MAN1A1: variants seen among roughly 807,000 people sequenced by gnomAD.
MAN1A1 encodes the protein mannosidase alpha class 1A member 1.
A neutral mutation model predicts 70.8 loss-of-function variants in MAN1A1; 29 were observed. The ratio of observed to expected loss-of-function variants is 0.41; its 90% confidence interval spans 0.31 to 0.56. The LOEUF (loss-of-function observed/expected upper bound fraction) is 0.56. Among genes scored for constraint, MAN1A1 ranks in the 20% least tolerant of loss-of-function variants. MAN1A1 has a pLI of 0.29. For missense variants in MAN1A1, 747 were observed against 841.3 expected (o/e 0.89, Z 1.39); for synonymous variants, 349 against 330.1 (o/e 1.06, Z -0.62).
chr6:119,320,974 A>C (rs973221931), intron 2 of MAN1A1, among the ~76,000 whole-genome samples: 3 of 152,240 alleles, frequency 2.0e-5, no homozygotes, highest in Admixed American at 6.5e-5. Context: ...TACTTGCATT[A>C]AATACTACGT....
At chr6:119,269,314 G>A (rs1342600489) in intron 5 of MAN1A1, 3 of 266,216 alleles carry the variant, frequency 1.1e-5, no homozygotes, top group African/African-American at 2.3e-5. Flanking sequence ...CGTGAACCAG[G>A]CACCCCAGAT....
intron 9 of MAN1A1, among the ~76,000 whole-genome samples, chr6:119,190,299 G>C (rs73767279): frequency 2.2e-3 from 330 of 152,298 alleles, no homozygotes; most frequent in African/African-American, 7.4e-3. Flanking sequence ...ATGAGATCCA[G>C]GATGGTGGCA....
chr6:119,194,996 C>A (rs558064933), intron 8 of MAN1A1, among the ~76,000 whole-genome samples: 16 of 152,054 alleles, frequency 1.1e-4, no homozygotes, highest in African/African-American at 3.9e-4. Context: ...CCACACCTGG[C>A]TAATTTTTGT....
At chr6:119,197,031 C>A (rs1210701091) in intron 8 of MAN1A1, among the ~76,000 whole-genome samples, 5 of 152,108 alleles carry the variant, frequency 3.3e-5, no homozygotes, top group Admixed American at 6.5e-5. Context: ...GAGGCAGGTC[C>A]AGCGTGGTGT....
chr6:119,270,554 G>A (rs9489644), intron 5 of MAN1A1, among the ~76,000 whole-genome samples: 6,280 of 152,130 alleles, frequency 0.041, 146 homozygotes, highest in African/African-American at 0.054. Flanking sequence ...GGCAACCACT[G>A]ATCTACTTTC....
chr6:119,319,390 A>C (rs2357377), intron 2 of MAN1A1, among the ~76,000 whole-genome samples: 129,545 of 143,646 alleles, frequency 0.9, 58,229 homozygotes, highest in Middle Eastern at 0.94. Flanking sequence ...TAATAATAAT[A>C]ATCATCATCA....
intron 2 of MAN1A1, among the ~76,000 whole-genome samples, chr6:119,320,850 T>C (rs1352419669): frequency 1.3e-5 from 2 of 152,228 alleles, no homozygotes; most frequent in Non-Finnish European, 2.9e-5. Context: ...ACAATTTATC[T>C]GTAGTGCTAG....
intron 6 of MAN1A1, among the ~76,000 whole-genome samples, chr6:119,231,456 G>A (rs186506060): frequency 2.0e-3 from 305 of 152,298 alleles, no homozygotes; most frequent in Admixed American, 6.2e-3. Context: ...CAGCAATGCG[G>A]AACTGTGAGT....
intron 8 of MAN1A1, among the ~76,000 whole-genome samples, chr6:119,194,958 G>A (rs1046821165): frequency 2.0e-5 from 3 of 151,518 alleles, no homozygotes; most frequent in Non-Finnish European, 2.9e-5. Flanking sequence ...TCAGCCTCCC[G>A]AGTAGCTGGG....
intron 5 of MAN1A1, among the ~76,000 whole-genome samples, chr6:119,280,324 CA>C (rs546416708): frequency 6.6e-6 from 1 of 152,210 alleles, no homozygotes; most frequent in Non-Finnish European, 1.5e-5. Flanking sequence ...TGTCCTTGGG[CA>C]AATAACACTC....
At chr6:119,253,849 G>C (rs1282952362) in intron 5 of MAN1A1, among the ~76,000 whole-genome samples, 1 of 152,146 alleles carries the variant, frequency 6.6e-6, no homozygotes, top group Non-Finnish European at 1.5e-5. Context: ...GCTACTGTCT[G>C]AAAATAATTA....
intron 5 of MAN1A1, among the ~76,000 whole-genome samples, chr6:119,261,425 C>T (rs982427597): frequency 6.6e-6 from 1 of 152,158 alleles, no homozygotes; most frequent in Non-Finnish European, 1.5e-5. Context: ...TATTTAGTGC[C>T]TATGTACTTA....
At chr6:119,224,054 G>A (rs1411111705) in intron 6 of MAN1A1, among the ~76,000 whole-genome samples, 2 of 152,152 alleles carry the variant, frequency 1.3e-5, no homozygotes, top group Non-Finnish European at 2.9e-5. Context: ...GGCTGGCAGG[G>A]TAGCTGAAAG....
intron 2 of MAN1A1, among the ~76,000 whole-genome samples, chr6:119,331,728 T>A (rs1222139852): frequency 6.6e-6 from 1 of 152,106 alleles, no homozygotes; most frequent in Non-Finnish European, 1.5e-5. Context: ...TTAAAGCATG[T>A]TGTCTGCCAC....
chr6:119,337,605 G>C (rs969024296), intron 2 of MAN1A1, among the ~76,000 whole-genome samples: 1 of 152,184 alleles, frequency 6.6e-6, no homozygotes, highest in Non-Finnish European at 1.5e-5. Context: ...TTGGGAGTTA[G>C]GGAAAACAGA....
At chr6:119,297,217 A>G (rs1454621094) in intron 4 of MAN1A1, among the ~76,000 whole-genome samples, 1 of 152,198 alleles carries the variant, frequency 6.6e-6, no homozygotes, top group Admixed American at 6.5e-5. Flanking sequence ...TAGGTTAGGT[A>G]ATAACAGGTA....
chr6:119,349,231 C>A lies in MAN1A1; in HGVS notation c.-166G>T, dbSNP rs923059484. On this transcript the variant is annotated 5_prime_UTR_variant, in exon 2 of 13. Coordinates refer to ENST00000368468, the MANE Select transcript of MAN1A1 (RefSeq NM_005907.4). ...GGAACAACTCCGCGCCGGGTCTTCT[C>A]CCCGGGGCGGCTCCTCGGGCACACA... 4.1e-6 allele frequency: 5 copies of A among 1,213,364 alleles called. No individual in the cohort carries two copies. Among genetic ancestry groups the A allele is most frequent in the Admixed American group, 4.4e-5 (1 of 22,970 alleles). 75.2% of individuals were successfully genotyped at this position (1,213,364 alleles called of 1,614,324 possible). A position where few individuals can be genotyped will look rare whatever the true frequency, so the allele number is the denominator to read the frequency against.
rs1773705772 is a variant in MAN1A1, at chr6:119,201,247, G to A, written c.1210+7C>T. On this transcript the variant is annotated splice_region_variant and intron_variant, in intron 8 of 12. Transcript: ENST00000368468. ...AGAGCTATAATAATGCAAATCTTCT[G>A]ACTTACGTTGACCCCACTGTCCACT... The A allele has an allele frequency of 6.2e-7, 1 of 1,600,652 alleles. No individual in the cohort carries two copies. The highest frequency in any genetic ancestry group is 1.7e-4 in the Middle Eastern group (1 of 6,036).
At chr6:119,267,311 TATTATAGAATATTTACATG>T (rs367818198) in intron 5 of MAN1A1, among the ~76,000 whole-genome samples, 8,271 of 152,232 alleles carry the variant, frequency 0.054, 313 homozygotes, top group African/African-American at 0.1. Context: ...TTCAGACATG[TATTATAGAATATTTACATG>T]TACATGTTTG....
Sources: allele counts gnomAD v4.1 joint callset (sites outside exome capture counted in the v4.1 genomes callset), GRCh38; gene constraint gnomAD v4.1.1; transcripts MANE v1.5; gene names NCBI Gene and HGNC (gene_info 2026-07-23, HGNC 2026-07-21).